The following MYO9A variants were observed in gnomAD, a reference collection of about 807,000 sequenced individuals.
The protein encoded by MYO9A is myosin IXA.
MYO9A carries 103 observed loss-of-function variants against 293.3 expected under a neutral mutation model. The observed-to-expected ratio is 0.35, with a 90% confidence interval of 0.30 to 0.41. The LOEUF is 0.41. MYO9A is among the 10% of genes least tolerant of loss of function. The probability of loss-of-function intolerance (pLI) is 1.00; values close to 1 mark genes in which losing one functional copy is unlikely to be tolerated. For synonymous variants in MYO9A, 1,001 were observed against 1,035.7 expected, an observed-to-expected ratio of 0.97 and a Z score of 0.64; for missense variants, 2,685 against 3,033.0, an observed-to-expected ratio of 0.89 and a Z score of 2.69.
At chr15:72,076,313 A>AG (rs934945111) in intron 1 of MYO9A, among the ~76,000 whole-genome samples, 4 of 151,964 alleles carry the variant, frequency 2.6e-5, no homozygotes, top group Non-Finnish European at 5.9e-5. Context: ...TCAAAAAAAA[A>AG]AAAAAAAACC....
In MYO9A at chr15:71,824,834, T is replaced by TCAGAATTATGCTCCAAGTCTAA. The variant is rs1361845216; in HGVS notation, c.*1724_*1745dup. 1 of 152,092 alleles carries TCAGAATTATGCTCCAAGTCTAA rather than the reference T, an allele frequency of 6.6e-6. No individual in the cohort carries two copies. The highest frequency in any genetic ancestry group is 1.5e-5 in the Non-Finnish European group (1 of 68,014). The allele number at this position is 152,092 out of a possible 1,614,324, so 9.4% of individuals were successfully genotyped here. A position where few individuals can be genotyped will look rare whatever the true frequency, so the allele number is the denominator to read the frequency against. ...GACTCCTGCTACCTTTAGCTGCCAC[T>TCAGAATTATGCTCCAAGTCTAA]CAGAATTATGCTCCAAGTCTAACCT... On this transcript the variant is annotated 3_prime_UTR_variant, in exon 42 of 42. Transcript: ENST00000356056.
At chr15:71,931,138 TAGAC>T (rs2058463310) in intron 18 of MYO9A, among the ~76,000 whole-genome samples, 1 of 152,230 alleles carries the variant, frequency 6.6e-6, no homozygotes, top group Admixed American at 6.5e-5. Flanking sequence ...ATGTTTGAAT[TAGAC>T]AGTGTACTTA....
intron 26 of MYO9A, chr15:71,893,052 C>T (rs1211408340): frequency 7.8e-7 from 1 of 1,289,864 alleles, no homozygotes. Context: ...AGAGAAGGGG[C>T]TCAATAATGT....
intron 38 of MYO9A, 97 bp downstream of exon 38, chr15:71,849,939 A>T: frequency 7.3e-6 from 10 of 1,378,794 alleles, no homozygotes; most frequent in Non-Finnish European, 1.0e-5. Context: ...AAACACCTGA[A>T]TTTATGAACC....
intron 1 of MYO9A, among the ~76,000 whole-genome samples, chr15:72,114,781 G>A (rs1289095883): frequency 6.6e-6 from 1 of 152,134 alleles, no homozygotes; most frequent in Non-Finnish European, 1.5e-5. Flanking sequence ...AATACATTAA[G>A]TCAATATTGT....
chr15:72,054,844 G>A (rs925396888), intron 1 of MYO9A, among the ~76,000 whole-genome samples: 3 of 151,496 alleles, frequency 2.0e-5, no homozygotes, highest in African/African-American at 4.9e-5. Context: ...AAGTTCCTTG[G>A]TAAGCAAGAC....
In MYO9A at chr15:72,093,607, C is replaced by T. The variant is rs1185627508; in HGVS notation, c.-72+24073G>A. Among the ~76,000 whole-genome samples, 4 of 150,924 alleles carry T rather than the reference C, an allele frequency of 2.7e-5. No homozygotes were observed. The East Asian group carries it at 7.8e-4, about 29-fold the overall frequency. On this transcript the variant is annotated intron_variant, in intron 1 of 41. Transcript: ENST00000356056. ...AACTGAAATTAAAAATCAAATCAGG[C>T]CAGGCACAGTGGCTCAAGCCTGTAA...
chr15:71,922,237 CCA>C (rs2058175776), intron 18 of MYO9A, among the ~76,000 whole-genome samples: 1 of 152,202 alleles, frequency 6.6e-6, no homozygotes, highest in Non-Finnish European at 1.5e-5. Context: ...CCTTGGCCTC[CCA>C]CAGTGCTGGG....
At chr15:71,952,423 T>G (rs1201519522) in intron 14 of MYO9A, among the ~76,000 whole-genome samples, 1 of 152,200 alleles carries the variant, frequency 6.6e-6, no homozygotes, top group African/African-American at 2.4e-5. Flanking sequence ...CCAGCAGCAC[T>G]TCTGTACTTA....
intron 1 of MYO9A, among the ~76,000 whole-genome samples, chr15:72,070,493 C>T (rs561573957): frequency 3.9e-4 from 59 of 151,052 alleles, no homozygotes; most frequent in African/African-American, 1.2e-3. Flanking sequence ...CCTCAATCTA[C>T]GGGTTAATCC....
intron 25 of MYO9A, among the ~76,000 whole-genome samples, chr15:71,894,463 G>C (rs766472102): frequency 6.6e-6 from 1 of 152,150 alleles, no homozygotes; most frequent in Non-Finnish European, 1.5e-5. Context: ...TGTAGTCCCA[G>C]GTACTTGGAA....
chr15:72,059,157 G>A (rs915422393), intron 1 of MYO9A, among the ~76,000 whole-genome samples: 1 of 152,154 alleles, frequency 6.6e-6, no homozygotes, highest in African/African-American at 2.4e-5. Context: ...TGTCTGTCCT[G>A]CTTAATAATC....
rs781440390 is a variant in MYO9A, at chr15:71,916,464, T to C, written c.2591A>G (p.His864Arg). Residue 864 changes from histidine to arginine, a missense_variant, in exon 19 of 42, where the codon CAC becomes CGC. Around this residue, in one of 10 missense-constraint regions of MYO9A, gnomAD observed 1,434 missense variants for 1,497.7 expected, o/e 0.96. Coordinates refer to ENST00000356056, the MANE Select transcript of MYO9A (RefSeq NM_006901.4). ...ATCTTGTAGTGTCAGTCTTGTCAGGTGCTTTAAAGAATTTACTTCTAGCAA... is the reference window on the plus strand; with the variant it reads ...ATCTTGTAGTGTCAGTCTTGTCAGGCGCTTTAAAGAATTTACTTCTAGCAA... Reference protein sequence around the residue: ...KHLLEVNSLKHLTRLTLQDRI... With the variant: ...KHLLEVNSLKRLTRLTLQDRI... 6.2e-7 allele frequency: 1 copy of C among 1,610,722 alleles called. No individual in the cohort carries two copies. The highest frequency in any genetic ancestry group is 1.3e-5 in the African/African-American group (1 of 74,688).
intron 33 of MYO9A, among the ~76,000 whole-genome samples, chr15:71,860,962 A>C: frequency 8.0e-6 from 1 of 125,454 alleles, no homozygotes; most frequent in African/African-American, 3.7e-5. Context: ...GTTAGACTCC[A>C]TCTCACCAAA....
At chr15:72,054,199 G>A (rs1345868373) in intron 1 of MYO9A, among the ~76,000 whole-genome samples, 2 of 152,126 alleles carry the variant, frequency 1.3e-5, no homozygotes, top group African/African-American at 2.4e-5. Context: ...ATCTCTTAAG[G>A]GTTTTTTTTA....
intron 19 of MYO9A, among the ~76,000 whole-genome samples, chr15:71,908,378 TG>T (rs1411573481): frequency 2.0e-5 from 3 of 152,194 alleles, no homozygotes; most frequent in Non-Finnish European, 4.4e-5. Flanking sequence ...TTAGCCAGGA[TG>T]GTCTCAATCT....
intron 1 of MYO9A, among the ~76,000 whole-genome samples, chr15:72,113,819 A>T (rs2080869585): frequency 6.6e-6 from 1 of 152,242 alleles, no homozygotes; most frequent in Non-Finnish European, 1.5e-5. Context: ...TGAGAAAAAG[A>T]GCTGAGCCAA....
rs931251997 is a variant in MYO9A, at chr15:71,899,670, A to G, written c.3470+17T>C. 4.4e-6 allele frequency: 7 copies of G among 1,580,298 alleles called. No homozygotes were observed. In the Middle Eastern group the frequency reaches 5.1e-4, roughly 115 times the overall value. On this transcript the variant is annotated intron_variant, in intron 24 of 41. Transcript: ENST00000356056. The stretch of plus-strand genomic sequence containing the variant: ...GGGAAGAAGAAAAAAAGCAATTATT[A>G]TAGTAATAGAGATTACCTTTGTCTT...
chr15:71,879,486 T>A (rs1341956177), intron 30 of MYO9A, among the ~76,000 whole-genome samples: 17 of 152,068 alleles, frequency 1.1e-4, no homozygotes, highest in Admixed American at 1.1e-3. Flanking sequence ...AAAACAGCTG[T>A]AAGGTGGGAA....
Sources: allele counts gnomAD v4.1 joint callset (sites outside exome capture counted in the v4.1 genomes callset), GRCh38; gene constraint gnomAD v4.1.1; regional missense constraint gnomAD v4.1.1; transcripts MANE v1.5; gene names NCBI Gene and HGNC (gene_info 2026-07-23, HGNC 2026-07-21).